The following LGMN variants were observed in gnomAD, a reference collection of about 807,000 sequenced individuals.
LGMN encodes the protein asparaginyl endopeptidase.
Under a neutral mutation model 56.8 loss-of-function variants are expected in LGMN, and 36 were observed. The ratio of observed to expected loss-of-function variants is 0.63; its 90% CI spans 0.49 to 0.84. LGMN has a LOEUF of 0.84. Among genes scored for constraint, LGMN ranks in the 40% least tolerant of loss-of-function variants. The pLI is 0.00. For missense variants in LGMN, 446 were observed against 556.1 expected (o/e 0.80, Z 1.99); for synonymous variants, 199 against 210.1 (o/e 0.95, Z 0.46).
intron 2 of LGMN, among the ~76,000 whole-genome samples, chr14:92,724,748 C>T (rs1051791798): frequency 6.6e-6 from 1 of 152,182 alleles, no homozygotes; most frequent in African/African-American, 2.4e-5. Context: ...CGTGATTTGC[C>T]GATAGGGCAA....
chr14:92,746,807 G>C (rs757634915), intron 1 of LGMN, among the ~76,000 whole-genome samples: 2 of 151,612 alleles, frequency 1.3e-5, no homozygotes, highest in Admixed American at 6.6e-5. Flanking sequence ...GAGGCCGAGG[G>C]GGGTGGATCA....
chr14:92,740,973 C>T (rs11160090), intron 1 of LGMN: 39,616 of 151,788 alleles, frequency 0.26, 5,309 homozygotes, highest in African/African-American at 0.3. Context: ...GATCACTTGA[C>T]GCCAGGAGTT....
chr14:92,719,262 C>T (rs1890285526), intron 2 of LGMN, among the ~76,000 whole-genome samples: 1 of 50,636 alleles, frequency 2.0e-5, no homozygotes, highest in African/African-American at 5.3e-5. Context: ...CCACCACCGC[C>T]ACCGCCGCCG....
chr14:92,729,248 A>C (rs1325020373), intron 2 of LGMN, among the ~76,000 whole-genome samples: 3 of 122,580 alleles, frequency 2.4e-5, no homozygotes, highest in Admixed American at 9.9e-5. Context: ...CTCTGTCCCC[A>C]CTCCCTCCCA....
intron 1 of LGMN, chr14:92,743,038 A>G (rs1891636234): frequency 6.6e-6 from 1 of 152,086 alleles, no homozygotes; most frequent in African/African-American, 2.4e-5. Flanking sequence ...AAAAAAAAAA[A>G]AAAACATCTG....
chr14:92,720,883 T>TTTTTTG (rs1326330698), intron 2 of LGMN, among the ~76,000 whole-genome samples: 1 of 151,836 alleles, frequency 6.6e-6, no homozygotes, highest in African/African-American at 2.4e-5. Flanking sequence ...TTTTGTTTAT[T>TTTTTTG]TTTTTGTTTT....
chr14:92,708,880 A>AAAAAAAAAAAACAAC, intron 11 of LGMN, among the ~76,000 whole-genome samples: 1 of 145,908 alleles, frequency 6.9e-6, no homozygotes, highest in Non-Finnish European at 1.5e-5. Flanking sequence ...AAAAAAAAAA[A>AAAAAAAAAAAACAAC]ATCTTGCCTA....
intron 1 of LGMN, among the ~76,000 whole-genome samples, chr14:92,747,702 G>C (rs571050900): frequency 6.6e-6 from 1 of 152,246 alleles, no homozygotes; most frequent in East Asian, 1.9e-4. Context: ...AGTAAGGCTC[G>C]AAAATGTTTG....
In LGMN at chr14:92,732,758, C is replaced by A. The variant is rs1245462138; in HGVS notation, c.29G>T (p.Ser10Ile). 4 of 1,614,148 alleles carry A rather than the reference C, an allele frequency of 2.5e-6. No homozygotes were observed. The highest frequency in any genetic ancestry group is 4.5e-5 in the East Asian group (2 of 44,886). Residue 10 changes from serine to isoleucine, a missense_variant, in exon 2 of 14, where the codon AGT becomes ATT. Ser to Ile is a moderately radical substitution (Grantham distance 142, BLOSUM62 -2). Coordinates refer to ENST00000334869, the MANE Select transcript of LGMN (RefSeq NM_005606.7). MVWKVAVFLSVALGIGAVPI... is the reference protein window; with the variant it reads MVWKVAVFLIVALGIGAVPI... ...AACGGCACCAATGCCCAGGGCCACA[C>A]TGAGGAATACAGCTACTTTCCAAAC... is the stretch of plus-strand genomic sequence containing the variant.
rs114036502 is a variant in LGMN, at chr14:92,716,144, G to T, written c.396C>A (p.Val132=). 46 of 1,609,988 alleles carry T rather than the reference G, an allele frequency of 2.9e-5. No homozygotes were observed. The African/African-American group carries it at 4.8e-4, about 17-fold the overall frequency. The change falls in exon 5 of 14, where the codon GTC becomes GTA. Residue 132 remains valine, a synonymous_variant. Coordinates refer to ENST00000334869, the MANE Select transcript of LGMN (RefSeq NM_005606.7). ...CCGTAAACAGACATTACCTCTTCAG[G>T]ACTTTGCCGGATCCTATGCCCTTCA... ...EAVKGIGSGK[V]LKSGPQDHVF...
chr14:92,723,597 G>A (rs1265369173), intron 2 of LGMN, among the ~76,000 whole-genome samples: 5 of 152,140 alleles, frequency 3.3e-5, no homozygotes, highest in African/African-American at 4.8e-5. Context: ...ATGACACTAG[G>A]GGAAGCCAGA....
chr14:92,714,163 C>T lies in LGMN; in HGVS notation c.480+213G>A, dbSNP rs1020169697. Among the ~76,000 whole-genome samples the T allele has an allele frequency of 6.6e-6, 1 of 152,206 alleles. No individual in the cohort carries two copies. Among genetic ancestry groups the T allele is most frequent in the Non-Finnish European group, 1.5e-5 (1 of 68,042 alleles). ...CCACATCCTGAGACAGCTACCGACG[C>T]TGCGACATGAACAGAAAAGCAGGGA... On this transcript the variant is annotated intron_variant, in intron 6 of 13. Transcript: ENST00000334869. This position sits in a 1 kb window ranked among gnomAD's most constrained non-coding sequence, Gnocchi z 5.1.
In LGMN at chr14:92,716,276, T is replaced by C. The variant is rs935895841; in HGVS notation, c.319-55A>G. 4.6e-5 allele frequency: 61 copies of C among 1,338,804 alleles called. No homozygotes were observed. In the Admixed American group the frequency reaches 4.9e-4, roughly 11 times the overall value. The allele number at this position is 1,338,804 out of a possible 1,614,324, so 82.9% of individuals were successfully genotyped here. On this transcript the variant is annotated intron_variant, in intron 4 of 13. Transcript: ENST00000334869. Reference sequence around the variant, plus strand: ...GCAGCTGTCGCTCCAACCCAGAGAGTTGGCTGAGTCTGCAACCGACCCATG... The same window carrying C: ...GCAGCTGTCGCTCCAACCCAGAGAGCTGGCTGAGTCTGCAACCGACCCATG...
intron 2 of LGMN, 80 bp downstream of exon 2, chr14:92,732,569 C>A: frequency 6.7e-7 from 1 of 1,499,050 alleles, no homozygotes; most frequent in Non-Finnish European, 9.1e-7. Context: ...CAAGTCTTTT[C>A]TATTTAATAT....
At chr14:92,711,604 A>G in intron 10 of LGMN, 55 bp downstream of exon 10, 1 of 1,440,068 alleles carries the variant, frequency 6.9e-7, no homozygotes, top group Non-Finnish European at 9.8e-7. Flanking sequence ...TATTCCAGGC[A>G]AGTCCACCTA....
At position 92,738,635 on chromosome 14, in the gene LGMN, T is replaced by C. The variant is rs140329294; in HGVS notation, c.-29-5820A>G. 2.7e-4 allele frequency among the ~76,000 whole-genome samples: 41 copies of C among 152,212 alleles called. No individual in the cohort carries two copies. In the East Asian group the frequency reaches 7.5e-3, roughly 28 times the overall value. ...GTGATGGTCCTGCTCCATCGTTCTT[T>C]TTTCTTATAAACACAGAGTCGTGAT... On this transcript the variant is annotated intron_variant, in intron 1 of 13. Coordinates refer to ENST00000334869, the MANE Select transcript of LGMN (RefSeq NM_005606.7).
intron 1 of LGMN, among the ~76,000 whole-genome samples, chr14:92,738,282 CT>C (rs1199624185): frequency 2.2e-3 from 312 of 141,864 alleles, no homozygotes; most frequent in Middle Eastern, 3.7e-3. Context: ...TTTTCTTTTT[CT>C]TTTTTTTTTT....
chr14:92,711,652 G>T lies in LGMN; in HGVS notation c.819+7C>A, dbSNP rs373991531. On this transcript the variant is annotated splice_region_variant and intron_variant, in intron 10 of 13. Transcript: ENST00000334869. ...CAGAGGGCCAGCACGCGAGGCTCCC[G>T]ACTCACTTTGTTTCCATACTGCATG... The T allele has an allele frequency of 1.2e-6, 2 of 1,613,478 alleles. No individual in the cohort carries two copies. Among genetic ancestry groups the T allele is most frequent in the African/African-American group, 1.3e-5 (1 of 74,916 alleles).
chr14:92,719,287 G>A (rs879585523), intron 2 of LGMN, among the ~76,000 whole-genome samples: 29,451 of 58,854 alleles, frequency 0.5, 5,275 homozygotes, highest in Middle Eastern at 0.54. Context: ...CACCGCCGCC[G>A]CCGCCGCCGC....
Sources: gnomAD v4.1 joint callset for allele counts (sites outside exome capture counted in the v4.1 genomes callset) on GRCh38, gnomAD v4.1.1 for gene constraint, Gnocchi (gnomAD v3.1) non-coding constraint, MANE v1.5 for transcripts, NCBI Gene and HGNC (gene_info 2026-07-23, HGNC 2026-07-21) for gene names.